The following CDK12 variants were observed in gnomAD, a reference collection of about 807,000 sequenced individuals.
CDK12 encodes cyclin dependent kinase 12.
A neutral mutation model predicts 133.8 loss-of-function variants in CDK12; 17 were observed. The observed-to-expected ratio is 0.13, with a 90% CI of 0.09 to 0.19. The LOEUF (loss-of-function observed/expected upper bound fraction) is 0.19. Ranked by LOEUF, CDK12 falls within the 10% of genes least tolerant of loss-of-function variation. The probability of loss-of-function intolerance (pLI) is 1.00; values close to 1 mark genes in which losing one functional copy is unlikely to be tolerated. For synonymous variants in CDK12, 694 were observed against 683.6 expected, an observed-to-expected ratio of 1.02 and a Z score of -0.24; for missense variants, 1,508 against 1,818.7, an observed-to-expected ratio of 0.83 and a Z score of 3.11.
chr17:39,470,323 G>A (rs564400277), intron 1 of CDK12, among the ~76,000 whole-genome samples: 5 of 151,820 alleles, frequency 3.3e-5, no homozygotes, highest in South Asian at 2.1e-4. Context: ...CGGTTTCACC[G>A]TGTTAGCCAG....
At chr17:39,565,464 G>A (rs1037181849), downstream of CDK12, among the ~76,000 whole-genome samples, 10 of 147,502 alleles carry the variant, frequency 6.8e-5, no homozygotes, top group Admixed American at 6.2e-4. Context: ...ACGGAGTTTC[G>A]CTCTTCTTGC....
At chr17:39,545,818 T>C (rs1470536402), upstream of CDK12, among the ~76,000 whole-genome samples, 1 of 147,450 alleles carries the variant, frequency 6.8e-6, no homozygotes, top group Non-Finnish European at 1.5e-5. Context: ...TTTTTTGAGA[T>C]GGAGTCTTGC....
chr17:39,525,993 T>TGCA lies in CDK12; in HGVS notation c.3446_3448dup (p.Gln1149dup), dbSNP rs768517582. 1.2e-5 allele frequency: 19 copies of TGCA among 1,614,056 alleles called. No individual in the cohort carries two copies. Among genetic ancestry groups the TGCA allele is most frequent in the Admixed American group, 1.7e-5 (1 of 60,000 alleles). On this transcript the variant is annotated inframe_insertion, in exon 13 of 14. Transcript: ENST00000447079. ...CTTAACATCCACTCCAACCCAGAGATGCAGCAGCAGCTGGAAGCCCTGAAC... is the reference window on the plus strand; with the variant it reads ...CTTAACATCCACTCCAACCCAGAGATGCAGCAGCAGCAGCTGGAAGCCCTGAAC...
downstream of CDK12, among the ~76,000 whole-genome samples, chr17:39,536,360 C>A (rs1351756373): frequency 6.6e-6 from 1 of 152,144 alleles, no homozygotes; most frequent in Non-Finnish European, 1.5e-5. Flanking sequence ...GATCCTCAAC[C>A]TACTGTAGTG....
At chr17:39,469,724 G>C (rs1293900698) in intron 1 of CDK12, among the ~76,000 whole-genome samples, 1 of 147,338 alleles carries the variant, frequency 6.8e-6, no homozygotes, top group African/African-American at 2.5e-5. Context: ...CGTAACCTCT[G>C]CCTCCTGGGT....
Position 39,526,141 on chromosome 17 carries a change from G to A in CDK12, c.3585G>A (p.Thr1195=), listed in dbSNP as rs140167318. Residue 1195 remains threonine (T), a synonymous_variant, in exon 13 of 14, where the codon ACG becomes ACA. Transcript: ENST00000447079. ...APVILPSAEQ[T]TLEASSTPAD... ...TGATCCTGCCTTCAGCAGAACAGAC[G>A]ACCCTTGAAGCTTCAAGCACACCAG... 655 of 1,614,166 alleles carry A rather than the reference G, an allele frequency of 4.1e-4. 1 individual carries two copies. The Middle Eastern group carries it at 7.6e-3, about 19-fold the overall frequency.
In CDK12 at chr17:39,486,127, A is replaced by G. The variant is rs989313272; in HGVS notation, c.1932-4430A>G. Among the ~76,000 whole-genome samples, 4 of 150,070 alleles carry G rather than the reference A, an allele frequency of 2.7e-5. No homozygotes were observed. The Admixed American group carries it at 2.7e-4, about 10-fold the overall frequency. On this transcript the variant is annotated intron_variant, in intron 2 of 13. Transcript: ENST00000447079. The stretch of plus-strand genomic sequence containing the variant: ...ACCACCATGCCCAGCTAATTTTTGT[A>G]CTTTTAGTAGAGATGCGGTTTCACC...
At chr17:39,490,105 G>A (rs989172322) in intron 2 of CDK12, among the ~76,000 whole-genome samples, 9 of 151,660 alleles carry the variant, frequency 5.9e-5, no homozygotes, top group South Asian at 2.1e-4. Flanking sequence ...GGTGGCTCAC[G>A]CCTGTAATCC....
intron 3 of CDK12, among the ~76,000 whole-genome samples, chr17:39,564,031 G>A (rs1363584207): frequency 6.6e-5 from 10 of 152,330 alleles, no homozygotes; most frequent in Non-Finnish European, 5.9e-5. Context: ...ATTCTCTCCT[G>A]ACCTTGAACC....
intron 2 of CDK12, among the ~76,000 whole-genome samples, chr17:39,479,523 G>T (rs1413815036): frequency 1.3e-4 from 20 of 152,072 alleles, no homozygotes; most frequent in Admixed American, 1.3e-3. Context: ...CAGGATCAGG[G>T]CTTGTGTGAA....
chr17:39,476,658 C>A (rs2050213076), intron 2 of CDK12, among the ~76,000 whole-genome samples: 1 of 149,404 alleles, frequency 6.7e-6, no homozygotes, highest in Non-Finnish European at 1.5e-5. Context: ...GGTGATCTAC[C>A]TGCCTTGGCC....
At chr17:39,500,207 T>C (rs1188889277) in intron 5 of CDK12, among the ~76,000 whole-genome samples, 2 of 152,116 alleles carry the variant, frequency 1.3e-5, no homozygotes, top group Non-Finnish European at 2.9e-5. Flanking sequence ...GGCCTGTGCC[T>C]GTATTCCCAG....
chr17:39,465,827 T>G (rs904727379), intron 1 of CDK12, among the ~76,000 whole-genome samples: 29 of 152,110 alleles, frequency 1.9e-4, no homozygotes, highest in African/African-American at 6.8e-4. Flanking sequence ...TAAAAAGTAT[T>G]CTTAGGATAT....
At chr17:39,486,143 C>A (rs185288603) in intron 2 of CDK12, among the ~76,000 whole-genome samples, 279 of 150,770 alleles carry the variant, frequency 1.9e-3, no homozygotes, top group African/African-American at 5.0e-3. Flanking sequence ...AGTAGAGATG[C>A]GGTTTCACCA....
Position 39,461,698 on chromosome 17 carries a change from G to A in CDK12, c.-374G>A, listed in dbSNP as rs1424501147. On this transcript the variant is annotated 5_prime_UTR_variant, in exon 1 of 14. Coordinates refer to ENST00000447079, the MANE Select transcript of CDK12 (RefSeq NM_016507.4). Reference sequence around the variant, plus strand: ...GGGAAGGGCCCGCGTAGTCCTCGCAGGGCCCCAGAGCTGGAGTCGGCTCCA... The same window carrying A: ...GGGAAGGGCCCGCGTAGTCCTCGCAAGGCCCCAGAGCTGGAGTCGGCTCCA... 1 of 307,022 alleles carries A rather than the reference G, an allele frequency of 3.3e-6. No homozygotes were observed. The highest frequency in any genetic ancestry group is 6.1e-6 in the Non-Finnish European group (1 of 162,686). 19.0% of individuals were successfully genotyped at this position (307,022 alleles called of 1,614,324 possible).
intron 5 of CDK12, among the ~76,000 whole-genome samples, chr17:39,495,559 A>T (rs866643262): frequency 2.6e-5 from 4 of 151,956 alleles, no homozygotes; most frequent in Middle Eastern, 6.8e-3. Flanking sequence ...TGGGAGGCCG[A>T]GGTGGGCAGA....
upstream of CDK12, among the ~76,000 whole-genome samples, chr17:39,548,577 G>A (rs539870237): frequency 2.4e-4 from 37 of 152,302 alleles, no homozygotes; most frequent in Admixed American, 5.9e-4. Context: ...TAGTCTCCCC[G>A]TCACCTACTC....
intron 2 of CDK12, among the ~76,000 whole-genome samples, chr17:39,555,716 A>C (rs1194139293): frequency 6.6e-6 from 1 of 151,720 alleles, no homozygotes; most frequent in African/African-American, 2.4e-5. Flanking sequence ...TGCCATGGCC[A>C]GGTGCAGTGA....
At chr17:39,497,064 G>T (rs1242989259) in intron 5 of CDK12, among the ~76,000 whole-genome samples, 1 of 151,678 alleles carries the variant, frequency 6.6e-6, no homozygotes, top group Non-Finnish European at 1.5e-5. Context: ...TGGAGTAGCT[G>T]GGCTTAAACA....
Sources: allele counts gnomAD v4.1 joint callset (sites outside exome capture counted in the v4.1 genomes callset), GRCh38; gene constraint gnomAD v4.1.1; transcripts MANE v1.5; gene names NCBI Gene and HGNC (gene_info 2026-07-23, HGNC 2026-07-21).